The following PTPRG variants were observed in gnomAD, a reference collection of about 807,000 sequenced individuals.
PTPRG encodes receptor-type tyrosine-protein phosphatase gamma.
A neutral mutation model predicts 165.3 loss-of-function variants in PTPRG; 102 were observed. That is an observed-to-expected ratio of 0.62 (90% CI 0.53 to 0.73). The LOEUF (loss-of-function observed/expected upper bound fraction) is 0.73, where lower values mean the gene tolerates loss of function less well. PTPRG is among the 30% of genes least tolerant of loss of function. The pLI is 0.00. For synonymous variants in PTPRG, 675 were observed against 669.5 expected, an observed-to-expected ratio of 1.01 and a Z score of -0.13; for missense variants, 1,866 against 1,861.4, an observed-to-expected ratio of 1.00 and a Z score of -0.05.
intron 2 of PTPRG, among the ~76,000 whole-genome samples, chr3:61,767,796 C>A (rs751866317): frequency 6.6e-6 from 1 of 151,584 alleles, no homozygotes; most frequent in African/African-American, 2.4e-5. Flanking sequence ...TAGTGGGATC[C>A]CGTTTGTACC....
At chr3:62,019,182 G>A (rs898840490) in intron 4 of PTPRG, among the ~76,000 whole-genome samples, 1 of 152,124 alleles carries the variant, frequency 6.6e-6, no homozygotes, top group Non-Finnish European at 1.5e-5. Flanking sequence ...GCGACCTCCT[G>A]AATCAGATGT....
At chr3:61,593,198 T>G (rs1700616160) in intron 1 of PTPRG, among the ~76,000 whole-genome samples, 1 of 152,110 alleles carries the variant, frequency 6.6e-6, no homozygotes, top group Non-Finnish European at 1.5e-5. Flanking sequence ...CTCTGGCCCA[T>G]ATCCATCTCT....
intron 1 of PTPRG, among the ~76,000 whole-genome samples, chr3:61,739,953 T>A (rs574244631): frequency 4.9e-4 from 74 of 152,340 alleles, no homozygotes; most frequent in Admixed American, 2.1e-3. Context: ...ATATTGGTGT[T>A]CTCTCCTGGG....
intron 6 of PTPRG, among the ~76,000 whole-genome samples, chr3:62,133,915 G>A (rs757440396): frequency 5.3e-5 from 8 of 152,014 alleles, no homozygotes; most frequent in South Asian, 2.1e-4. Context: ...TCCGGGAGGC[G>A]GAGGTTGCAG....
At chr3:62,189,841 A>C (rs565268150) in intron 8 of PTPRG, among the ~76,000 whole-genome samples, 3 of 152,068 alleles carry the variant, frequency 2.0e-5, no homozygotes, top group Non-Finnish European at 4.4e-5. Context: ...CCAGAGTTCA[A>C]ATCTGGCCCC....
In PTPRG at chr3:61,898,736, A is replaced by G. The variant is rs564659674; in HGVS notation, c.191-90889A>G. Among the ~76,000 whole-genome samples, 10 of 152,342 alleles carry G rather than the reference A, an allele frequency of 6.6e-5. No individual in the cohort carries two copies. In the South Asian group the frequency reaches 1.4e-3, roughly 22 times the overall value. On this transcript the variant is annotated intron_variant, in intron 2 of 29. Coordinates refer to ENST00000474889, the MANE Select transcript of PTPRG (RefSeq NM_002841.4). ...GGAAAGAACCTTCTTTTGATGGTCT[A>G]CTTGCTGTTGAAGTGAATAAATAAA...
At chr3:62,005,556 C>T (rs912077644) in intron 4 of PTPRG, among the ~76,000 whole-genome samples, 1 of 152,010 alleles carries the variant, frequency 6.6e-6, no homozygotes, top group Non-Finnish European at 1.5e-5. Context: ...CAGATGGCTA[C>T]CTTGGAAAAG....
chr3:61,885,667 CTCTCCTCTCCTCT>C (rs2038010890), intron 2 of PTPRG, among the ~76,000 whole-genome samples: 10 of 41,542 alleles, frequency 2.4e-4, no homozygotes, highest in Non-Finnish European at 4.6e-4. Flanking sequence ...CTCTCCTCTC[CTCTCCTCTCCTCT>C]CCTCTCCTCT....
chr3:62,157,030 A>G, intron 6 of PTPRG, 37 bp from the exon 7 acceptor site: 1 of 1,543,342 alleles, frequency 6.5e-7, no homozygotes, highest in Non-Finnish European at 9.0e-7. Flanking sequence ...GGCATGACTT[A>G]CCATTGTGCT....
At position 61,661,351 on chromosome 3, in the gene PTPRG, T is replaced by G. The variant is rs530894391; in HGVS notation, c.86-87527T>G. Among the ~76,000 whole-genome samples the G allele has an allele frequency of 4.6e-5, 7 of 152,056 alleles. No individual in the cohort carries two copies. In the South Asian group the frequency reaches 1.2e-3, roughly 27 times the overall value. Reference sequence around the variant, plus strand: ...TTTTTTTAAATTTTTAAGAGAGAAGTGATTTCTGAGTGAAGGAATAGCAAA... The same window carrying G: ...TTTTTTTAAATTTTTAAGAGAGAAGGGATTTCTGAGTGAAGGAATAGCAAA... On this transcript the variant is annotated intron_variant, in intron 1 of 29. Coordinates refer to ENST00000474889, the MANE Select transcript of PTPRG (RefSeq NM_002841.4).
At chr3:62,036,961 T>G (rs1204086921) in intron 4 of PTPRG, among the ~76,000 whole-genome samples, 1 of 138,832 alleles carries the variant, frequency 7.2e-6, no homozygotes, top group Non-Finnish European at 1.5e-5. Flanking sequence ...CCTCCCTCAG[T>G]GCTGCACGTG....
At chr3:62,131,099 C>T (rs1316538959) in intron 5 of PTPRG, among the ~76,000 whole-genome samples, 4 of 152,156 alleles carry the variant, frequency 2.6e-5, no homozygotes, top group Non-Finnish European at 5.9e-5. Flanking sequence ...CTAATGAGGG[C>T]TTCTGACCCT....
chr3:62,033,278 A>T (rs1699827929), intron 4 of PTPRG, among the ~76,000 whole-genome samples: 2 of 151,804 alleles, frequency 1.3e-5, no homozygotes, highest in African/African-American at 4.8e-5. Flanking sequence ...TTCAGTTCAA[A>T]TGTCACTTTC....
At chr3:61,633,178 G>A (rs530712803) in intron 1 of PTPRG, among the ~76,000 whole-genome samples, 1 of 152,330 alleles carries the variant, frequency 6.6e-6, no homozygotes, top group South Asian at 2.1e-4. Flanking sequence ...ACTATCAGAA[G>A]TTGTCCTTAT....
chr3:61,994,852 C>T (rs183416223), intron 3 of PTPRG, among the ~76,000 whole-genome samples: 1 of 152,290 alleles, frequency 6.6e-6, no homozygotes, highest in East Asian at 1.9e-4. Flanking sequence ...TGCTCAGACA[C>T]AGGCCAGGGG....
At chr3:62,115,337 T>A (rs1169495215) in intron 5 of PTPRG, among the ~76,000 whole-genome samples, 1 of 152,212 alleles carries the variant, frequency 6.6e-6, no homozygotes, top group Non-Finnish European at 1.5e-5. Flanking sequence ...CCTTGGGTGA[T>A]TTAAAGAGTG....
intron 2 of PTPRG, among the ~76,000 whole-genome samples, chr3:61,810,938 T>C (rs1016432328): frequency 7.9e-5 from 12 of 151,994 alleles, no homozygotes; most frequent in African/African-American, 2.4e-4. Context: ...CCAATGAGGG[T>C]TCCCCCTTGC....
chr3:61,996,201 T>G (rs898718466), intron 3 of PTPRG, among the ~76,000 whole-genome samples: 11 of 152,216 alleles, frequency 7.2e-5, no homozygotes, highest in African/African-American at 2.7e-4. Context: ...AAAACCTCTC[T>G]TATCCCTGAT....
intron 9 of PTPRG, among the ~76,000 whole-genome samples, chr3:62,194,818 G>A (rs1343704514): frequency 6.7e-6 from 1 of 150,240 alleles, no homozygotes; most frequent in East Asian, 1.9e-4. Context: ...AAAAAAAAAA[G>A]AATAATGTTA....
Sources: gnomAD v4.1 joint callset for allele counts (sites outside exome capture counted in the v4.1 genomes callset) on GRCh38, gnomAD v4.1.1 for gene constraint, MANE v1.5 for transcripts, NCBI Gene and HGNC (gene_info 2026-07-23, HGNC 2026-07-21) for gene names.